Variants in BCL2L13 observed in about 807,000 individuals in gnomAD.
BCL2L13 encodes bcl-2-like protein 13.
In BCL2L13, 13 loss-of-function variants were observed where a neutral mutation model predicts 25.8. The observed-to-expected ratio is 0.50, with a 90% confidence interval of 0.33 to 0.80. BCL2L13 has a LOEUF of 0.80. Among genes scored for constraint, BCL2L13 ranks in the 30% least tolerant of loss-of-function variants. The pLI is 0.02. For missense variants in BCL2L13, 504 were observed against 574.9 expected (o/e 0.88, Z 1.26); for synonymous variants, 244 against 230.3 (o/e 1.06, Z -0.54).
chr22:17,667,318 C>T (rs1032989790), intron 2 of BCL2L13, among the ~76,000 whole-genome samples: 55 of 151,532 alleles, frequency 3.6e-4, no homozygotes, highest in African/African-American at 1.2e-3. Context: ...ATTACAGGTG[C>T]CCACCACTAC....
exon 1 of BCL2L13, chr22:17,628,945 G>A (rs2057945725): frequency 6.4e-6 from 3 of 467,604 alleles, no homozygotes; most frequent in South Asian, 4.7e-5. Context: ...GTAGGAGGAA[G>A]AAAAGATAAG....
At chr22:17,688,939 A>G in intron 3 of BCL2L13, 47 bp from the exon 4 acceptor site, 2 of 1,572,838 alleles carry the variant, frequency 1.3e-6, no homozygotes, top group Non-Finnish European at 1.7e-6. Flanking sequence ...AGCTAATTTT[A>G]TAGATATTGT....
In BCL2L13 at chr22:17,727,410, C is replaced by G. The variant is rs770347827; in HGVS notation, c.1334C>G (p.Pro445Arg). 9 of 1,614,070 alleles carry G rather than the reference C, an allele frequency of 5.6e-6. No individual in the cohort carries two copies. The African/African-American group carries it at 1.2e-4, about 22-fold the overall frequency. The part of the protein sequence containing the change: ...PPSEGKSRLS[P>R]AGEMKPMPLS... ...TCTGAGGGCAAGTCTAGACTGTCCC[C>G]CGCCGGTGAGATGAAGCCCATGCCG... Residue 445 changes from proline (P) to arginine (R), a missense_variant, in exon 7 of 7, where the codon CCC (proline) becomes CGC (arginine). Coordinates refer to ENST00000317582, the MANE Select transcript of BCL2L13 (RefSeq NM_015367.4).
intron 2 of BCL2L13, among the ~76,000 whole-genome samples, chr22:17,656,549 T>C (rs1250234390): frequency 6.6e-6 from 1 of 151,462 alleles, no homozygotes; most frequent in African/African-American, 2.4e-5. Flanking sequence ...GGTTTTGCCG[T>C]GTTGGCCAGG....
At chr22:17,645,569 T>TA (rs1486380061) in intron 1 of BCL2L13, among the ~76,000 whole-genome samples, 5 of 151,710 alleles carry the variant, frequency 3.3e-5, no homozygotes, top group Admixed American at 2.6e-4. Context: ...TTATGTTTCA[T>TA]AAAATGTGTC....
intron 2 of BCL2L13, among the ~76,000 whole-genome samples, chr22:17,664,415 ACC>A (rs35852549): frequency 0.53 from 79,602 of 150,776 alleles, 21,508 homozygotes; most frequent in East Asian, 0.84. Context: ...ATATATAGCC[ACC>A]CCCCCCCGGC....
intron 1 of BCL2L13, among the ~76,000 whole-genome samples, chr22:17,646,932 CATATATAT>C (rs1170982043): frequency 1.6e-3 from 52 of 32,442 alleles, no homozygotes; most frequent in African/African-American, 6.0e-3. Context: ...GTATAAACTA[CATATATAT>C]ATATATATAT....
chr22:17,628,962 C>T (rs2057946277), exon 1 of BCL2L13: 1 of 421,646 alleles, frequency 2.4e-6, no homozygotes, highest in African/African-American at 2.0e-5. Context: ...TAAGGAGTTC[C>T]TCTATCTGAA....
rs184384031 is a variant in BCL2L13, at chr22:17,664,383, T to C, written c.121+8551T>C. On this transcript the variant is annotated intron_variant, in intron 2 of 6. Transcript: ENST00000317582. ...GTGGGTTCCCATGGCCTTGGAGAGC[T>C]CCACCTGTGTGGCTTTGCAGCATAT... Among the ~76,000 whole-genome samples, 266 of 150,710 alleles carry C rather than the reference T, an allele frequency of 1.8e-3. 3 individuals carry two copies. The highest frequency in any genetic ancestry group is 5.9e-3 in the African/African-American group (244 of 41,096).
intron 1 of BCL2L13, among the ~76,000 whole-genome samples, chr22:17,655,245 A>G (rs1380079524): frequency 6.6e-6 from 1 of 151,058 alleles, no homozygotes; most frequent in Non-Finnish European, 1.5e-5. Flanking sequence ...TTCCAGTAAC[A>G]ATGCCTTCTG....
intron 6 of BCL2L13, among the ~76,000 whole-genome samples, chr22:17,719,284 A>G (rs921131095): frequency 4.6e-5 from 7 of 152,166 alleles, no homozygotes; most frequent in Non-Finnish European, 7.4e-5. Flanking sequence ...ATGGCCAATT[A>G]GCACATGAAA....
intron 3 of BCL2L13, among the ~76,000 whole-genome samples, chr22:17,688,399 C>A (rs2060007996): frequency 6.6e-6 from 1 of 152,132 alleles, no homozygotes; most frequent in African/African-American, 2.4e-5. Flanking sequence ...TGATTAGAAT[C>A]TGATATAAGT....
intron 2 of BCL2L13, among the ~76,000 whole-genome samples, chr22:17,667,627 A>G (rs1601585162): frequency 6.6e-6 from 1 of 150,596 alleles, no homozygotes; most frequent in African/African-American, 2.4e-5. Flanking sequence ...TCCTGCCCCC[A>G]CCTCCTGAGT....
chr22:17,637,988 C>A (rs1289276598), upstream of BCL2L13: 1 of 152,240 alleles, frequency 6.6e-6, no homozygotes, highest in Admixed American at 6.6e-5. Flanking sequence ...TTTATCACTT[C>A]TGATCTGGCT....
At chr22:17,646,011 G>A (rs1214660101) in intron 1 of BCL2L13, among the ~76,000 whole-genome samples, 1 of 151,500 alleles carries the variant, frequency 6.6e-6, no homozygotes, top group Non-Finnish European at 1.5e-5. Context: ...AAGTATATGA[G>A]AGGGAGGAAG....
At chr22:17,668,595 A>AG (rs2059312339) in intron 2 of BCL2L13, among the ~76,000 whole-genome samples, 1 of 151,716 alleles carries the variant, frequency 6.6e-6, no homozygotes. Context: ...CTGGGATTAC[A>AG]GGCATGCACC....
At chr22:17,652,951 G>C (rs1378552612) in intron 1 of BCL2L13, among the ~76,000 whole-genome samples, 1 of 152,082 alleles carries the variant, frequency 6.6e-6, no homozygotes, top group African/African-American at 2.4e-5. Flanking sequence ...TGTAGTCCCA[G>C]CTACTCGGGA....
chr22:17,687,818 C>CTT (rs368432610), intron 3 of BCL2L13, among the ~76,000 whole-genome samples: 2,328 of 130,662 alleles, frequency 0.018, 40 homozygotes, highest in Non-Finnish European at 0.027. Flanking sequence ...CACCCGGCCC[C>CTT]TTTTTTTTTT....
chr22:17,660,951 A>AT (rs1236784843), intron 2 of BCL2L13, among the ~76,000 whole-genome samples: 1 of 140,986 alleles, frequency 7.1e-6, no homozygotes, highest in African/African-American at 2.5e-5. Context: ...CACCCAGCTA[A>AT]TTTTTTTAGT....
Sources: allele counts gnomAD v4.1 joint callset (sites outside exome capture counted in the v4.1 genomes callset), GRCh38; gene constraint gnomAD v4.1.1; transcripts MANE v1.5; gene names NCBI Gene and HGNC (gene_info 2026-07-23, HGNC 2026-07-21).